Variants in SIPA1L1 observed in about 807,000 individuals in gnomAD.
SIPA1L1 encodes the protein signal induced proliferation associated 1 like 1.
SIPA1L1 carries 26 observed loss-of-function variants against 162.7 expected under a neutral mutation model. That is an observed-to-expected ratio of 0.16 (90% confidence interval 0.12 to 0.22). The LOEUF (loss-of-function observed/expected upper bound fraction) is 0.22. Ranked by LOEUF, SIPA1L1 falls within the 10% of genes least tolerant of loss-of-function variation. The probability of loss-of-function intolerance (pLI) is 1.00; values close to 1 mark genes in which losing one functional copy is unlikely to be tolerated. For synonymous variants in SIPA1L1, 829 were observed against 837.4 expected, an observed-to-expected ratio of 0.99 and a Z score of 0.17; for missense variants, 1,874 against 2,241.0, an observed-to-expected ratio of 0.84 and a Z score of 3.31.
chr14:71,503,686 T>C (rs1423896177), intron 2 of SIPA1L1: 1 of 152,242 alleles, frequency 6.6e-6, no homozygotes, highest in Non-Finnish European at 1.5e-5. Flanking sequence ...TATATTTATT[T>C]ACTTTTGTAA....
chr14:71,408,112 A>G (rs2042156565), intron 2 of SIPA1L1, among the ~76,000 whole-genome samples: 1 of 152,236 alleles, frequency 6.6e-6, no homozygotes, highest in Admixed American at 6.5e-5. Context: ...CAGTTAGAAT[A>G]CAGTTATTTC....
At chr14:71,403,635 A>G (rs1285584125) in intron 2 of SIPA1L1, among the ~76,000 whole-genome samples, 1 of 149,908 alleles carries the variant, frequency 6.7e-6, no homozygotes, top group African/African-American at 2.4e-5. Flanking sequence ...TCTTAATCAT[A>G]TTGTTTTCAC....
At chr14:71,619,038 G>A (rs983439271) in intron 6 of SIPA1L1, 151 bp downstream of exon 6, 3 of 692,218 alleles carry the variant, frequency 4.3e-6, no homozygotes, top group Non-Finnish European at 6.5e-6. Context: ...GGTGGAGATC[G>A]AGGTGGACAA....
In SIPA1L1 at chr14:71,585,143, A is replaced by AAGGG. The variant is rs1028567539; in HGVS notation, c.-302-2409_-302-2406dup. Among the ~76,000 whole-genome samples, 32 of 141,382 alleles carry AAGGG rather than the reference A, an allele frequency of 2.3e-4. No individual in the cohort carries two copies. In the East Asian group the frequency reaches 2.7e-3, roughly 12 times the overall value. The allele number at this position is 141,382 out of a possible 152,430, so 92.8% of individuals were successfully genotyped here. A position where few individuals can be genotyped will look rare whatever the true frequency, so the allele number is the denominator to read the frequency against. ...TTGATGCTATAAATAAGAATGAGAAAAGGGAGGGAGGGAGGGAGGGAGATG... is the reference window on the plus strand; with the variant it reads ...TTGATGCTATAAATAAGAATGAGAAAAGGGAGGGAGGGAGGGAGGGAGGGAGATG... On this transcript the variant is annotated intron_variant, in intron 4 of 23. Coordinates refer to ENST00000381232, the MANE Select transcript of SIPA1L1 (RefSeq NM_001386936.1).
rs957451317 is a variant in SIPA1L1, at chr14:71,723,710, A to G, written c.4272A>G (p.Lys1424=). ...VVFTSARSSP[K]EELHPAAPSQ... The stretch of plus-strand genomic sequence containing the variant: ...TCACCAGTGCCCGGAGTTCACCTAA[A>G]GAAGAGCTTCATCCAGCTGCCCCCT... Residue 1424 remains lysine (K), a synonymous_variant, in exon 18 of 24, where the codon AAA becomes AAG. Coordinates refer to ENST00000381232, the MANE Select transcript of SIPA1L1 (RefSeq NM_001386936.1). The G allele has an allele frequency of 1.9e-6, 3 of 1,614,038 alleles. No homozygotes were observed. In the African/African-American group the frequency reaches 4.0e-5, roughly 22 times the overall value.
chr14:71,599,739 G>C (rs7144829), intron 5 of SIPA1L1, among the ~76,000 whole-genome samples: 1 of 152,064 alleles, frequency 6.6e-6, no homozygotes, highest in Admixed American at 6.5e-5. Flanking sequence ...CATCAACAGT[G>C]TATGAGTTCC....
chr14:71,593,740 A>G (rs1228341800), intron 5 of SIPA1L1, among the ~76,000 whole-genome samples: 2 of 152,138 alleles, frequency 1.3e-5, no homozygotes, highest in Non-Finnish European at 2.9e-5. Context: ...TGAATCCTAT[A>G]GAGAGGAATG....
At chr14:71,457,127 C>A (rs1666291742) in intron 2 of SIPA1L1, among the ~76,000 whole-genome samples, 1 of 151,992 alleles carries the variant, frequency 6.6e-6, no homozygotes, top group Non-Finnish European at 1.5e-5. Context: ...TCAAACTGCC[C>A]TAGCATCCAT....
intron 2 of SIPA1L1, among the ~76,000 whole-genome samples, chr14:71,337,461 A>G (rs1235165936): frequency 2.0e-5 from 3 of 152,166 alleles, no homozygotes; most frequent in African/African-American, 2.4e-5. Flanking sequence ...AAGCCTCACA[A>G]TCATGGCAGA....
At chr14:71,707,249 A>G (rs2082519258) in intron 16 of SIPA1L1, among the ~76,000 whole-genome samples, 1 of 152,120 alleles carries the variant, frequency 6.6e-6, no homozygotes, top group Non-Finnish European at 1.5e-5. Flanking sequence ...GATATCTTTT[A>G]AATTCTTATT....
intron 23 of SIPA1L1, among the ~76,000 whole-genome samples, chr14:71,738,796 A>T (rs1449498230): frequency 6.6e-6 from 1 of 152,170 alleles, no homozygotes; most frequent in African/African-American, 2.4e-5. Context: ...ACATTCCAGG[A>T]TTACTTAGAG....
intron 4 of SIPA1L1, among the ~76,000 whole-genome samples, chr14:71,536,786 T>C (rs1024219929): frequency 2.6e-5 from 4 of 152,248 alleles, no homozygotes; most frequent in Non-Finnish European, 4.4e-5. Flanking sequence ...TAATGTTGTA[T>C]TGTTGGAAAA....
At chr14:71,604,970 A>G (rs1279828725) in intron 5 of SIPA1L1, among the ~76,000 whole-genome samples, 6 of 152,108 alleles carry the variant, frequency 3.9e-5, no homozygotes, top group African/African-American at 1.4e-4. Context: ...TTCATTAAAT[A>G]TATTTTCTAA....
chr14:71,328,484 G>A (rs561425147), intron 2 of SIPA1L1, among the ~76,000 whole-genome samples: 1 of 152,284 alleles, frequency 6.6e-6, no homozygotes, highest in South Asian at 2.1e-4. Flanking sequence ...CCACCCAGTT[G>A]AAAACACAGT....
intron 2 of SIPA1L1, among the ~76,000 whole-genome samples, chr14:71,451,632 CAAAAAAA>C (rs762968378): frequency 1.8e-5 from 1 of 54,392 alleles, no homozygotes; most frequent in Non-Finnish European, 3.8e-5. Flanking sequence ...GACCTTGTCT[CAAAAAAA>C]AAAAAAAAAA....
chr14:71,626,936 A>G (rs1264456563), intron 7 of SIPA1L1, among the ~76,000 whole-genome samples: 3 of 152,026 alleles, frequency 2.0e-5, no homozygotes, highest in South Asian at 2.1e-4. Flanking sequence ...TTAAAATTTT[A>G]TCTATTAAAT....
chr14:71,483,351 T>C (rs2048494878), intron 2 of SIPA1L1, among the ~76,000 whole-genome samples: 3 of 152,208 alleles, frequency 2.0e-5, no homozygotes, highest in African/African-American at 7.2e-5. Flanking sequence ...CACTTTGCTC[T>C]TTGTGCGCAC....
chr14:71,339,189 G>T (rs2035392337), intron 2 of SIPA1L1, among the ~76,000 whole-genome samples: 1 of 152,154 alleles, frequency 6.6e-6, no homozygotes, highest in South Asian at 2.1e-4. Context: ...ATTCTCTGAG[G>T]ATAGAGACCA....
chr14:71,570,881 G>A (rs1280091277), intron 4 of SIPA1L1, among the ~76,000 whole-genome samples: 1 of 152,090 alleles, frequency 6.6e-6, no homozygotes, highest in Non-Finnish European at 1.5e-5. Flanking sequence ...CTGCCTCCTG[G>A]GTTCAAGCAA....
Sources: allele counts gnomAD v4.1 joint callset (sites outside exome capture counted in the v4.1 genomes callset), GRCh38; gene constraint gnomAD v4.1.1; transcripts MANE v1.5; gene names NCBI Gene and HGNC (gene_info 2026-07-23, HGNC 2026-07-21).